The following BCL9 variants were observed in gnomAD, a reference collection of about 807,000 sequenced individuals.
BCL9 encodes the protein B-cell CLL/lymphoma 9 protein.
Under a neutral mutation model 88.5 loss-of-function variants are expected in BCL9, and 25 were observed. The ratio of observed to expected loss-of-function variants is 0.28; its 90% CI spans 0.21 to 0.39. The LOEUF is 0.39. Ranked by LOEUF, BCL9 falls within the 10% of genes least tolerant of loss-of-function variation. The pLI is 1.00. For synonymous variants in BCL9, 711 were observed against 673.3 expected (o/e 1.06, Z -0.87); for missense variants, 1,817 against 1,877.8 (o/e 0.97, Z 0.60).
At chr1:147,605,220 A>G (rs1039458934) in intron 2 of BCL9, among the ~76,000 whole-genome samples, 4 of 152,232 alleles carry the variant, frequency 2.6e-5, no homozygotes, top group Non-Finnish European at 4.4e-5. Flanking sequence ...GTAGCAATAC[A>G]CAAGCCCCAA....
intron 1 of BCL9, among the ~76,000 whole-genome samples, chr1:147,580,822 T>C (rs886658001): frequency 1.1e-4 from 16 of 152,208 alleles, no homozygotes; most frequent in African/African-American, 3.6e-4. Context: ...GCCACCATAA[T>C]TGAGGACCTA....
chr1:147,542,554 A>G (rs587737150), intron 1 of BCL9, among the ~76,000 whole-genome samples: 1 of 152,210 alleles, frequency 6.6e-6, no homozygotes, highest in Non-Finnish European at 1.5e-5. Context: ...CATCATCATC[A>G]GGGTAATAAA....
rs1343596546 is a variant in BCL9 at position 147,625,261 on chromosome 1, C to T, written c.*302C>T. The T allele has an allele frequency of 7.4e-5, 28 of 376,212 alleles. No homozygotes were observed. The Admixed American group carries it at 9.3e-4, about 12-fold the overall frequency. The allele number at this position is 376,212 out of a possible 1,614,324, so 23.3% of individuals were successfully genotyped here. A position where few individuals can be genotyped will look rare whatever the true frequency, so the allele number is the denominator to read the frequency against. On this transcript the variant is annotated 3_prime_UTR_variant, in exon 10 of 10. Coordinates refer to ENST00000234739, the MANE Select transcript of BCL9 (RefSeq NM_004326.4). ...GTAGCTGTGCTTTGAGAATTGCCAT[C>T]GGTCATGTGTTGCACCGTTCTCTGT...
rs55842254 is a variant in BCL9, at chr1:147,584,386, C to CTT, written c.-477-20384_-477-20383dup. ...ATTTGCCTCTTTCATCCCTCTGTAA[C>CTT]TTTTTTTTCTTCAACTCTGGCCTAC... On this transcript the variant is annotated intron_variant, in intron 1 of 9. Transcript: ENST00000234739. Among the ~76,000 whole-genome samples the CTT allele has an allele frequency of 2.0e-5, 3 of 151,912 alleles. No homozygotes were observed. The East Asian group carries it at 5.8e-4, about 29-fold the overall frequency.
intron 1 of BCL9, chr1:147,600,322 C>A (rs908800081): frequency 6.5e-6 from 1 of 152,896 alleles, no homozygotes; most frequent in South Asian, 1.8e-4. Flanking sequence ...TCCCCTCCCC[C>A]ACTCCTGCCT....
chr1:147,579,755 C>G (rs150877210), intron 1 of BCL9, among the ~76,000 whole-genome samples: 2 of 152,174 alleles, frequency 1.3e-5, no homozygotes, highest in Non-Finnish European at 2.9e-5. Context: ...GGAGAACTCA[C>G]GTGATGCTGA....
intron 1 of BCL9, among the ~76,000 whole-genome samples, chr1:147,566,138 A>T (rs587733685): frequency 5.6e-4 from 85 of 152,322 alleles, no homozygotes; most frequent in African/African-American, 1.7e-3. Context: ...AAGACAGAGG[A>T]GCTGGTTGCT....
Position 147,620,733 on chromosome 1 carries a change from A to T in BCL9, c.2578A>T (p.Ile860Phe). ...VAGSQVHSPG[I>F]NPLKSPTMHQ... is the part of the protein sequence containing the mutation. ...AGGCAGCCAGGTGCATTCCCCAGGC[A>T]TTAACCCTCTGAAGTCTCCCACGAT... is the stretch of plus-strand genomic sequence containing the variant. The change falls in exon 8 of 10, where the codon ATT becomes TTT. Residue 860 changes from isoleucine to phenylalanine, a missense_variant. Around this residue, in one of 2 missense-constraint regions of BCL9, gnomAD observed 1,228 missense variants for 1,191.6 expected, o/e 1.03. Transcript: ENST00000234739. 6.2e-7 allele frequency: 1 copy of T among 1,614,126 alleles called. No individual in the cohort carries two copies. Among genetic ancestry groups the T allele is most frequent in the Non-Finnish European group, 8.5e-7 (1 of 1,180,032 alleles).
intron 1 of BCL9, among the ~76,000 whole-genome samples, chr1:147,572,273 C>CAAAAG (rs1655921664): frequency 6.6e-6 from 1 of 151,400 alleles, no homozygotes; most frequent in Non-Finnish European, 1.5e-5. Context: ...AAAAACAAAA[C>CAAAAG]AAAAACAAAC....
chr1:147,574,845 A>T (rs1553197903), intron 1 of BCL9, among the ~76,000 whole-genome samples: 1 of 152,180 alleles, frequency 6.6e-6, no homozygotes, highest in Non-Finnish European at 1.5e-5. Context: ...AGATATGGGG[A>T]CCTACCTCAG....
intron 7 of BCL9, among the ~76,000 whole-genome samples, chr1:147,618,189 G>GA (rs1553204129): frequency 2.5e-4 from 38 of 152,286 alleles, no homozygotes; most frequent in African/African-American, 8.7e-4. Context: ...TGTGGAATCA[G>GA]TGATCACCAA....
intron 1 of BCL9, among the ~76,000 whole-genome samples, chr1:147,573,169 G>GGCC (rs1655958529): frequency 6.6e-6 from 1 of 152,190 alleles, no homozygotes; most frequent in Non-Finnish European, 1.5e-5. Flanking sequence ...ACAAGGTTGA[G>GGCC]GCCGGGAGCG....
intron 1 of BCL9, among the ~76,000 whole-genome samples, chr1:147,602,197 C>G (rs1409542768): frequency 7.5e-6 from 1 of 133,958 alleles, no homozygotes; most frequent in South Asian, 2.6e-4. Flanking sequence ...CCACCGCGCC[C>G]GGCTAGAAGA....
At chr1:147,605,497 T>G (rs969312776) in intron 2 of BCL9, among the ~76,000 whole-genome samples, 2 of 152,256 alleles carry the variant, frequency 1.3e-5, no homozygotes, top group East Asian at 1.9e-4. Context: ...TTGGAATTCA[T>G]TTTGAATGCT....
chr1:147,554,092 G>A (rs587600817), intron 1 of BCL9, among the ~76,000 whole-genome samples: 2 of 152,328 alleles, frequency 1.3e-5, no homozygotes, highest in Admixed American at 1.3e-4. Context: ...ATAATAGGCT[G>A]TATTAACTTT....
chr1:147,619,702 C>T lies in BCL9; in HGVS notation c.1547C>T (p.Pro516Leu). 1.9e-6 allele frequency: 3 copies of T among 1,614,040 alleles called. No individual in the cohort carries two copies. Among genetic ancestry groups the T allele is most frequent in the African/African-American group, 2.7e-5 (2 of 75,026 alleles). The change falls in exon 8 of 10, where the codon CCT becomes CTT. Residue 516 changes from proline (P) to leucine (L), a missense_variant. This residue lies in a region of BCL9 where 1,228 missense variants were observed against 1,191.6 expected (regional missense o/e 1.03). Transcript: ENST00000234739. This position sits in a 1 kb window ranked among gnomAD's most constrained non-coding sequence, Gnocchi z 4.1. ...CGGGGAGTGGTCCGAGGACCCCCCC[C>T]TCCATACCAGATGACCCCTAGTGAA... ...GPRGVVRGPP[P>L]PYQMTPSEGW...
intron 1 of BCL9, among the ~76,000 whole-genome samples, chr1:147,581,874 T>C (rs143156036): frequency 0.013 from 1,938 of 152,370 alleles, 44 homozygotes; most frequent in African/African-American, 0.044. Context: ...CTTCTCTGAC[T>C]ATTCTCTGTG....
chr1:147,594,067 G>A (rs1553200229), intron 1 of BCL9, among the ~76,000 whole-genome samples: 1 of 152,198 alleles, frequency 6.6e-6, no homozygotes, highest in Non-Finnish European at 1.5e-5. Context: ...AGATCTTAAG[G>A]TAGATAGAGG....
Position 147,624,770 on chromosome 1 carries a change from GC to G in BCL9, c.4094del (p.Pro1365LeufsTer16). 6.2e-7 allele frequency: 1 copy of G among 1,614,100 alleles called. No homozygotes were observed. Among genetic ancestry groups the G allele is most frequent in the Non-Finnish European group, 8.5e-7 (1 of 1,179,988 alleles). On this transcript the variant is annotated frameshift_variant, in exon 10 of 10. Transcript: ENST00000234739. LOFTEE classifies it high-confidence loss of function. The surrounding 1 kb of genome is among the most constrained non-coding windows in gnomAD (Gnocchi z 4.4). ...VGMIPGKDRG[P>X]AGLYTHPGPV... Reference sequence around the variant, plus strand: ...GCATGATTCCTGGCAAGGATCGGGGGCCTGCCGGGCTCTACACCCACCCTGG... The same window carrying G: ...GCATGATTCCTGGCAAGGATCGGGGGCTGCCGGGCTCTACACCCACCCTGG...
Sources: allele counts gnomAD v4.1 joint callset (sites outside exome capture counted in the v4.1 genomes callset), GRCh38; gene constraint gnomAD v4.1.1; regional missense constraint gnomAD v4.1.1; non-coding constraint Gnocchi (gnomAD v3.1); transcripts MANE v1.5; gene names NCBI Gene and HGNC (gene_info 2026-07-23, HGNC 2026-07-21).